Variants in AMELX observed in about 807,000 individuals in gnomAD.
AMELX encodes the protein amelogenin, X isoform.
In AMELX, 9 loss-of-function variants were observed where a neutral mutation model predicts 15.8. The observed-to-expected ratio is 0.57, with a 90% CI of 0.34 to 0.99. The LOEUF (loss-of-function observed/expected upper bound fraction) is 0.99, where lower values mean the gene tolerates loss of function less well. AMELX is among the 50% of genes least tolerant of loss of function. AMELX has a pLI of 0.02. For missense variants in AMELX, 107 were observed against 156.2 expected (o/e 0.68, Z 1.68); for synonymous variants, 61 against 58.8 (o/e 1.04, Z -0.17).
chrX:11,305,766 C>T, the AMELX span, among the ~76,000 whole-genome samples: 3 of 111,709 alleles, frequency 2.7e-5, no homozygotes, highest in African/African-American at 9.8e-5. Flanking sequence ...TTTAAGATGC[C>T]TTAATTCTCA....
intron 2 of AMELX, among the ~76,000 whole-genome samples, chrX:11,295,352 T>C (rs1296051031): frequency 8.9e-6 from 1 of 111,736 alleles, no homozygotes; most frequent in Non-Finnish European, 1.9e-5. Flanking sequence ...ACATTCCTGT[T>C]CTCAGAGGCC....
chrX:11,306,869 A>G, the AMELX span, among the ~76,000 whole-genome samples: 1 of 112,135 alleles, frequency 8.9e-6, no homozygotes, highest in Admixed American at 9.4e-5. Context: ...AACTCATTAA[A>G]TGCTCTGTAG....
rs148259441 is a variant in AMELX, at chrX:11,298,627, C to T, written c.224C>T (p.Pro75Leu). 8.8e-5 allele frequency: 106 copies of T among 1,208,321 alleles called. No individual in the cohort carries two copies. The highest frequency in any genetic ancestry group is 1.6e-4 in the African/African-American group (9 of 56,520). ...CCCGTGCTGTCCCAACAGCACCCCC[C>T]GACTCACACCCTGCAGCCTCATCAC... ...IIPVLSQQHP[P>L]THTLQPHHHI... The change falls in exon 5 of 6, where the codon CCG becomes CTG. Residue 75 changes from proline (P) to leucine (L), a missense_variant. Coordinates refer to ENST00000380714, the MANE Select transcript of AMELX (RefSeq NM_001142.2).
downstream of AMELX, among the ~76,000 whole-genome samples, chrX:11,303,750 T>A (rs2048200026): frequency 9.0e-6 from 1 of 111,627 alleles, no homozygotes. Flanking sequence ...GGCTTTCCAG[T>A]GTGATGGTAG....
At chrX:11,304,843 G>A (rs2048219797), downstream of AMELX, among the ~76,000 whole-genome samples, 1 of 85,743 alleles carries the variant, frequency 1.2e-5, no homozygotes, top group South Asian at 6.8e-4. Context: ...CTGGAGTGCA[G>A]TGGCTCAATC....
At chrX:11,303,372 C>T (rs1043325433), downstream of AMELX, among the ~76,000 whole-genome samples, 3 of 112,146 alleles carry the variant, frequency 2.7e-5, no homozygotes, top group Non-Finnish European at 3.8e-5. Context: ...CTGACTCTTC[C>T]AGACGATAAA....
intron 1 of AMELX, 66 bp from the exon 2 acceptor site, chrX:11,294,711 A>C: frequency 9.3e-7 from 1 of 1,075,032 alleles, no homozygotes; most frequent in Admixed American, 2.2e-5. Flanking sequence ...TGTGTGTTTT[A>C]TGGAGCATTC....
At chrX:11,297,041 T>C (rs1200397342) in intron 3 of AMELX, among the ~76,000 whole-genome samples, 1 of 111,535 alleles carries the variant, frequency 9.0e-6, no homozygotes, top group Non-Finnish European at 1.9e-5. Flanking sequence ...ACTCAGTCTG[T>C]CCTCCTAAAT....
downstream of AMELX, among the ~76,000 whole-genome samples, chrX:11,304,988 C>G (rs1290043148): frequency 3.7e-5 from 4 of 108,284 alleles, no homozygotes; most frequent in East Asian, 5.8e-4. Context: ...AGGGTTTTAC[C>G]ATGTTGGCCA....
At chrX:11,294,611 T>C (rs925321008) in intron 1 of AMELX, among the ~76,000 whole-genome samples, 166 bp from the exon 2 acceptor site, 3 of 112,221 alleles carry the variant, frequency 2.7e-5, no homozygotes, top group Non-Finnish European at 5.6e-5. Flanking sequence ...AACAATGAAA[T>C]AGGCTGAGAG....
In AMELX at chrX:11,294,921, AT is replaced by A. The variant is rs1421270249; in HGVS notation, c.54+81del. 3.8e-6 allele frequency: 4 copies of A among 1,049,575 alleles called. No individual in the cohort carries two copies. In the African/African-American group the frequency reaches 7.4e-5, roughly 19 times the overall value. The allele number at this position is 1,049,575 out of a possible 1,213,427, so 86.5% of individuals were successfully genotyped here. A position where few individuals can be genotyped will look rare whatever the true frequency, so the allele number is the denominator to read the frequency against. ...TAAAAATCTGCTCATAGTTGGTGAA[AT>A]TAGGGTTTAAAACAGTATGAGATCA... is the stretch of plus-strand genomic sequence containing the variant. On this transcript the variant is annotated intron_variant, in intron 2 of 5. Coordinates refer to ENST00000380714, the MANE Select transcript of AMELX (RefSeq NM_001142.2).
chrX:11,300,736 C>T lies in AMELX; in HGVS notation c.*124C>T. 3.0e-6 allele frequency: 2 copies of T among 665,694 alleles called. No homozygotes were observed. Among genetic ancestry groups the T allele is most frequent in the Non-Finnish European group, 4.8e-6 (2 of 420,787 alleles). 54.9% of individuals were successfully genotyped at this position (665,694 alleles called of 1,213,427 possible). The stretch of plus-strand genomic sequence containing the variant: ...TCTGTAACTAAAAAAGTACCATTAG[C>T]AGACAATAAAATGCATTAAAAATCA... On this transcript the variant is annotated 3_prime_UTR_variant, in exon 6 of 6. Coordinates refer to ENST00000380714, the MANE Select transcript of AMELX (RefSeq NM_001142.2).
downstream of AMELX, among the ~76,000 whole-genome samples, chrX:11,301,200 A>G (rs1023535272): frequency 4.5e-5 from 5 of 111,872 alleles, no homozygotes; most frequent in African/African-American, 1.6e-4. Flanking sequence ...AGATTTTTAA[A>G]TGAAATTATG....
chrX:11,297,144 C>A (rs756696851), intron 3 of AMELX, among the ~76,000 whole-genome samples: 1 of 112,149 alleles, frequency 8.9e-6, no homozygotes, highest in South Asian at 3.7e-4. Flanking sequence ...TCTAACCCAG[C>A]TAGTAAAATG....
chrX:11,296,402 C>T (rs2048084359), intron 2 of AMELX, among the ~76,000 whole-genome samples: 1 of 111,583 alleles, frequency 9.0e-6, no homozygotes, highest in African/African-American at 3.3e-5. Flanking sequence ...AGCAAGTAAA[C>T]TGTTGGGCAG....
chrX:11,307,095 G>A, the AMELX span, among the ~76,000 whole-genome samples: 5 of 110,743 alleles, frequency 4.5e-5, no homozygotes, highest in South Asian at 3.9e-4. Context: ...TCCAGTGCTC[G>A]TAGAAACCAC....
chrX:11,294,938 T>C, intron 2 of AMELX, 96 bp downstream of exon 2: 2 of 940,505 alleles, frequency 2.1e-6, no homozygotes, highest in African/African-American at 3.8e-5. Flanking sequence ...TTTAAAACAG[T>C]ATGAGATCAG....
chrX:11,307,337 A>T, the AMELX span, among the ~76,000 whole-genome samples: 1 of 111,100 alleles, frequency 9.0e-6, no homozygotes, highest in East Asian at 2.8e-4. Flanking sequence ...ATTGGCTTGC[A>T]TACTCTCTCT....
chrX:11,298,508 C>A, intron 4 of AMELX, 40 bp from the exon 5 acceptor site: 2 of 1,208,117 alleles, frequency 1.7e-6, no homozygotes, highest in Non-Finnish European at 2.2e-6. Context: ...GTTGGAGTCA[C>A]CTGAGCCAAT....
Sources: gnomAD v4.1 joint callset for allele counts (sites outside exome capture counted in the v4.1 genomes callset) on GRCh38, gnomAD v4.1.1 for gene constraint, MANE v1.5 for transcripts, NCBI Gene and HGNC (gene_info 2026-07-23, HGNC 2026-07-21) for gene names.